The following UGP2 variants were observed in gnomAD, a reference collection of about 807,000 sequenced individuals.
The protein encoded by UGP2 is UTP--glucose-1-phosphate uridylyltransferase.
In UGP2, 40 loss-of-function variants were observed where a neutral mutation model predicts 49.0. The observed-to-expected ratio is 0.82, with a 90% CI of 0.63 to 1.06. UGP2 has a LOEUF of 1.06. Among genes scored for constraint, UGP2 ranks in the 50% least tolerant of loss-of-function variants. The pLI is 0.00. For synonymous variants in UGP2, 225 were observed against 213.0 expected (o/e 1.06, Z -0.49); for missense variants, 460 against 603.5 (o/e 0.76, Z 2.49).
chr2:63,874,791 C>T lies in UGP2; in HGVS notation c.256-7675C>T, dbSNP rs370151749. 7.9e-5 allele frequency among the ~76,000 whole-genome samples: 12 copies of T among 151,632 alleles called. No individual in the cohort carries two copies. In the East Asian group the frequency reaches 1.9e-3, roughly 25 times the overall value. On this transcript the variant is annotated intron_variant, in intron 3 of 9. Coordinates refer to ENST00000337130, the MANE Select transcript of UGP2 (RefSeq NM_006759.4). Reference sequence around the variant, plus strand: ...CTGATTGTTTAAAAAAAAAAAAAGCCTGGTACCTCCCTCCCTTTTTTTCTT... The same window carrying T: ...CTGATTGTTTAAAAAAAAAAAAAGCTTGGTACCTCCCTCCCTTTTTTTCTT...
chr2:63,869,756 G>A (rs949843177), intron 3 of UGP2, among the ~76,000 whole-genome samples: 4 of 152,082 alleles, frequency 2.6e-5, no homozygotes, highest in African/African-American at 9.7e-5. Context: ...CAGTGTTGGT[G>A]CCAAGATTTC....
chr2:63,888,867 A>C (rs1180085668), intron 8 of UGP2: 1 of 152,272 alleles, frequency 6.6e-6, no homozygotes, highest in East Asian at 1.9e-4. Context: ...ACTCCAACCT[A>C]GCCTGATAAG....
In UGP2 at chr2:63,859,015, T is replaced by TA. The variant is rs397932567; in HGVS notation, c.255+1080dup. On this transcript the variant is annotated intron_variant, in intron 3 of 9. Coordinates refer to ENST00000337130, the MANE Select transcript of UGP2 (RefSeq NM_006759.4). ...TTTTTTCTTTTTTCTTTTTTTTTTT[T>TA]AGACAGTCTCACTCTGTCACCCAAG... is the stretch of plus-strand genomic sequence containing the variant. Among the ~76,000 whole-genome samples, 21 of 151,244 alleles carry TA rather than the reference T, an allele frequency of 1.4e-4. No individual in the cohort carries two copies. The South Asian group carries it at 3.8e-3, about 27-fold the overall frequency.
At chr2:63,844,611 G>C (rs1671806031) in intron 1 of UGP2, among the ~76,000 whole-genome samples, 1 of 152,154 alleles carries the variant, frequency 6.6e-6, no homozygotes, top group South Asian at 2.1e-4. Context: ...TGCCAGGCTG[G>C]AGTGCAGTGG....
At chr2:63,878,435 T>A (rs1448193672) in intron 3 of UGP2, among the ~76,000 whole-genome samples, 1 of 152,236 alleles carries the variant, frequency 6.6e-6, no homozygotes, top group Non-Finnish European at 1.5e-5. Context: ...GAATTGATCA[T>A]TGTATTTTGC....
intron 1 of UGP2, 153 bp from the exon 2 acceptor site, chr2:63,856,153 T>C: frequency 1.2e-6 from 1 of 856,056 alleles, no homozygotes; most frequent in Non-Finnish European, 1.7e-6. Context: ...GAGTCCTAAC[T>C]AGTTGACACC....
Position 63,856,556 on chromosome 2 carries a change from A to C in UGP2, c.147+123A>C. The stretch of plus-strand genomic sequence containing the variant: ...TCAGCACAAGATGTACGATAACATC[A>C]AAAACAAAAAAATTAGAATTGCTTA... On this transcript the variant is annotated intron_variant, in intron 2 of 9. Coordinates refer to ENST00000337130, the MANE Select transcript of UGP2 (RefSeq NM_006759.4). 2.7e-6 allele frequency: 3 copies of C among 1,121,962 alleles called. No homozygotes were observed. In the East Asian group the frequency reaches 7.2e-5, roughly 27 times the overall value. 69.5% of individuals were successfully genotyped at this position (1,121,962 alleles called of 1,614,324 possible). A position where few individuals can be genotyped will look rare whatever the true frequency, so the allele number is the denominator to read the frequency against.
At chr2:63,855,520 G>GGT (rs1669336087) in intron 1 of UGP2, 2 of 194,312 alleles carry the variant, frequency 1.0e-5, no homozygotes, top group African/African-American at 6.4e-5. Context: ...TTCTTTTTCT[G>GGT]TTTTTTTTTT....
At chr2:63,864,683 G>A (rs772604656) in intron 3 of UGP2, among the ~76,000 whole-genome samples, 1 of 152,138 alleles carries the variant, frequency 6.6e-6, no homozygotes, top group African/African-American at 2.4e-5. Context: ...ACACCCACCA[G>A]TTACCACCAG....
At chr2:63,851,863 T>C in intron 1 of UGP2, among the ~76,000 whole-genome samples, 1 of 152,210 alleles carries the variant, frequency 6.6e-6, no homozygotes, top group South Asian at 2.1e-4. Flanking sequence ...CTTTGACATA[T>C]CTGCCTCATT....
intron 1 of UGP2, among the ~76,000 whole-genome samples, chr2:63,853,875 G>C (rs191503548): frequency 4.1e-4 from 62 of 152,256 alleles, no homozygotes; most frequent in Admixed American, 1.6e-3. Flanking sequence ...GGAGGAACTT[G>C]TGAAAAAAAG....
chr2:63,844,513 G>T (rs1386980975), intron 1 of UGP2, among the ~76,000 whole-genome samples: 1 of 152,064 alleles, frequency 6.6e-6, no homozygotes, highest in African/African-American at 2.4e-5. Context: ...TACAGGTGAG[G>T]AAAGTTAAGT....
intron 3 of UGP2, among the ~76,000 whole-genome samples, chr2:63,879,428 C>G (rs542972212): frequency 6.6e-6 from 1 of 152,224 alleles, no homozygotes; most frequent in Non-Finnish European, 1.5e-5. Flanking sequence ...AATTTTCACT[C>G]CAAGTTACAT....
At chr2:63,857,630 G>C (rs1237524876) in intron 2 of UGP2, 199 bp from the exon 3 acceptor site, 3 of 617,208 alleles carry the variant, frequency 4.9e-6, no homozygotes, top group African/African-American at 1.8e-5. Context: ...CTCCCAAAGT[G>C]CTGGGATTAC....
At chr2:63,850,170 T>C (rs572470160) in intron 1 of UGP2, among the ~76,000 whole-genome samples, 12 of 152,374 alleles carry the variant, frequency 7.9e-5, no homozygotes, top group Admixed American at 7.2e-4. Context: ...TAATTGTTAA[T>C]CAGAAGACTG....
At chr2:63,851,753 A>G (rs1356510883) in intron 1 of UGP2, among the ~76,000 whole-genome samples, 3 of 152,184 alleles carry the variant, frequency 2.0e-5, no homozygotes, top group Admixed American at 6.5e-5. Context: ...TTTGGCTTTC[A>G]AAAATGAGGG....
At chr2:63,887,829 TG>T in intron 8 of UGP2, 185 bp downstream of exon 8, 1 of 802,092 alleles carries the variant, frequency 1.2e-6, no homozygotes, top group Non-Finnish European at 1.9e-6. Flanking sequence ...ATTTGAAACA[TG>T]ATTGCCATAT....
intron 8 of UGP2, chr2:63,887,984 T>C (rs558732779): frequency 4.7e-6 from 1 of 211,526 alleles, no homozygotes; most frequent in South Asian, 8.6e-5. Context: ...GGCAGTGTTC[T>C]AGGTTCTAGG....
intron 8 of UGP2, chr2:63,889,585 C>T (rs1411047872): frequency 6.6e-6 from 1 of 152,428 alleles, no homozygotes; most frequent in East Asian, 1.9e-4. Context: ...AACGGGGTCA[C>T]ATAGGACAAT....
Sources: gnomAD v4.1 joint callset for allele counts (sites outside exome capture counted in the v4.1 genomes callset) on GRCh38, gnomAD v4.1.1 for gene constraint, MANE v1.5 for transcripts, NCBI Gene and HGNC (gene_info 2026-07-23, HGNC 2026-07-21) for gene names.